RNF17: variants seen among roughly 807,000 people sequenced by gnomAD.
RNF17 encodes the protein ring finger protein 17.
Under a neutral mutation model 200.5 loss-of-function variants are expected in RNF17, and 31 were observed. That is an observed-to-expected ratio of 0.15 (90% CI 0.12 to 0.21). RNF17 has a LOEUF of 0.21. RNF17 is among the 10% of genes least tolerant of loss of function. The pLI, the probability that RNF17 is intolerant of heterozygous loss-of-function variation, is 1.00. For synonymous variants in RNF17, 606 were observed against 637.8 expected, an observed-to-expected ratio of 0.95 and a Z score of 0.75; for missense variants, 1,628 against 1,905.1, an observed-to-expected ratio of 0.85 and a Z score of 2.71.
chr13:24,789,769 C>A lies in RNF17; in HGVS notation c.932C>A (p.Thr311Lys), dbSNP rs369578539. ...NMGKIEFRDS[T>K]KCYPQENEIR... ...GGAAAGATTGAATTTAGGGACTCAA[C>A]AAAGTAAGTATTTATAAGCATGGTA... Residue 311 changes from threonine (T) to lysine (K), a missense_variant, in exon 9 of 36, where the codon ACA becomes AAA. Thr to Lys is a moderately conservative substitution (Grantham distance 78). Transcript: ENST00000255324. The A allele has an allele frequency of 1.2e-5, 19 of 1,549,008 alleles. No individual in the cohort carries two copies. The highest frequency in any genetic ancestry group is 1.7e-5 in the Non-Finnish European group (19 of 1,121,748).
chr13:24,751,260 G>A, the RNF17 span: 8 of 151,354 alleles, frequency 5.3e-5, no homozygotes, highest in African/African-American at 1.7e-4. Context: ...CATCATCATC[G>A]TCAGCAGATG....
At chr13:24,867,392 T>G (rs1428731026) in intron 30 of RNF17, among the ~76,000 whole-genome samples, 1 of 152,196 alleles carries the variant, frequency 6.6e-6, no homozygotes, top group African/African-American at 2.4e-5. Flanking sequence ...AAGTCCAATT[T>G]ATCTGTTTTT....
upstream of RNF17, among the ~76,000 whole-genome samples, chr13:24,763,204 C>CTTT (rs11329776): frequency 4.6e-5 from 6 of 129,168 alleles, no homozygotes; most frequent in African/African-American, 1.7e-4. Flanking sequence ...TGCTTCAACT[C>CTTT]TTTTTTTTTT....
intron 25 of RNF17, among the ~76,000 whole-genome samples, chr13:24,855,021 A>G (rs1039912598): frequency 6.6e-6 from 1 of 152,140 alleles, no homozygotes; most frequent in African/African-American, 2.4e-5. Flanking sequence ...TGTGTGCGTC[A>G]CTAAACAAAT....
At chr13:24,848,240 A>G (rs1891465976) in intron 22 of RNF17, among the ~76,000 whole-genome samples, 1 of 151,978 alleles carries the variant, frequency 6.6e-6, no homozygotes, top group Admixed American at 6.6e-5. Flanking sequence ...CAGAACCGGG[A>G]CTCTAACCAC....
chr13:24,875,222 T>C (rs1894728425), intron 33 of RNF17, among the ~76,000 whole-genome samples: 1 of 152,134 alleles, frequency 6.6e-6, no homozygotes, highest in Non-Finnish European at 1.5e-5. Flanking sequence ...TCTGCTCAAA[T>C]TGAAACAACA....
At chr13:24,791,743 T>C (rs1883889686) in intron 9 of RNF17, among the ~76,000 whole-genome samples, 1 of 152,144 alleles carries the variant, frequency 6.6e-6, no homozygotes, top group Non-Finnish European at 1.5e-5. Context: ...GGATGATGTA[T>C]ACTCTAAGCC....
At chr13:24,836,033 T>A (rs1247084702) in intron 18 of RNF17, among the ~76,000 whole-genome samples, 2 of 152,154 alleles carry the variant, frequency 1.3e-5, no homozygotes, top group Non-Finnish European at 2.9e-5. Context: ...AGCAATGGAA[T>A]TGAACAAGTA....
chr13:24,778,640 G>A (rs2137538731), intron 4 of RNF17, among the ~76,000 whole-genome samples: 1 of 152,278 alleles, frequency 6.6e-6, no homozygotes, highest in Admixed American at 6.5e-5. Context: ...ATATTTACCT[G>A]TGTGTAGCTT....
At chr13:24,822,233 G>A (rs993974225) in intron 15 of RNF17, among the ~76,000 whole-genome samples, 1 of 152,124 alleles carries the variant, frequency 6.6e-6, no homozygotes, top group Non-Finnish European at 1.5e-5. Context: ...CTGGCAAGGC[G>A]AGAAGGGAGG....
chr13:24,820,638 G>A (rs1887949658), intron 15 of RNF17, among the ~76,000 whole-genome samples: 1 of 151,830 alleles, frequency 6.6e-6, no homozygotes, highest in African/African-American at 2.4e-5. Context: ...TTTTGGCTAT[G>A]TTGGCCAGGC....
chr13:24,851,598 C>A, intron 24 of RNF17, 27 bp downstream of exon 24: 1 of 1,469,716 alleles, frequency 6.8e-7, no homozygotes, highest in Non-Finnish European at 9.4e-7. Context: ...AAAATTTTGA[C>A]ATCAGTTTGT....
chr13:24,793,655 A>G lies in RNF17; in HGVS notation c.1240+309A>G, dbSNP rs570458173. Among the ~76,000 whole-genome samples, 31 of 152,294 alleles carry G rather than the reference A, an allele frequency of 2.0e-4. No individual in the cohort carries two copies. The South Asian group carries it at 6.4e-3, about 32-fold the overall frequency. On this transcript the variant is annotated intron_variant, in intron 10 of 35. Transcript: ENST00000255324. ...TTGTATAAAAGATATAAATAGAGAGATGTGATTTGTGGACATAGTTTTATT... is the reference window on the plus strand; with the variant it reads ...TTGTATAAAAGATATAAATAGAGAGGTGTGATTTGTGGACATAGTTTTATT...
intron 31 of RNF17, among the ~76,000 whole-genome samples, chr13:24,869,020 C>T (rs1022357628): frequency 1.2e-4 from 19 of 152,180 alleles, no homozygotes; most frequent in Admixed American, 1.0e-3. Context: ...CATCTCGCTT[C>T]CCTTCCTCTT....
At chr13:24,861,716 T>A (rs1215516556) in intron 27 of RNF17, among the ~76,000 whole-genome samples, 1 of 152,226 alleles carries the variant, frequency 6.6e-6, no homozygotes, top group Non-Finnish European at 1.5e-5. Context: ...TCTGTATTGC[T>A]GCATAACAAA....
At chr13:24,846,357 T>G (rs544133000) in intron 22 of RNF17, among the ~76,000 whole-genome samples, 73 of 152,330 alleles carry the variant, frequency 4.8e-4, no homozygotes, top group African/African-American at 1.6e-3. Context: ...TGAGTTTCTT[T>G]TATTGGCAAA....
chr13:24,781,329 A>G (rs1882340730), intron 5 of RNF17, among the ~76,000 whole-genome samples: 1 of 152,030 alleles, frequency 6.6e-6, no homozygotes, highest in South Asian at 2.1e-4. Context: ...TTGCCACATT[A>G]TCAGTAGAAA....
At chr13:24,763,384 T>A (rs1175351201), upstream of RNF17, among the ~76,000 whole-genome samples, 2 of 147,282 alleles carry the variant, frequency 1.4e-5, no homozygotes, top group African/African-American at 5.0e-5. Flanking sequence ...TTTTTTTTTT[T>A]TTTTTTGTAT....
chr13:24,825,844 A>G (rs1014862943), intron 16 of RNF17, 72 bp downstream of exon 16: 22 of 1,493,048 alleles, frequency 1.5e-5, no homozygotes, highest in African/African-American at 1.3e-4. Context: ...GTTGGTACCA[A>G]TTCAATCTTG....
Sources: gnomAD v4.1 joint callset for allele counts (sites outside exome capture counted in the v4.1 genomes callset) on GRCh38, gnomAD v4.1.1 for gene constraint, MANE v1.5 for transcripts, NCBI Gene and HGNC (gene_info 2026-07-23, HGNC 2026-07-21) for gene names.